WDR7: variants seen among roughly 807,000 people sequenced by gnomAD.
WDR7 encodes WD repeat-containing protein 7.
Under a neutral mutation model 169.4 loss-of-function variants are expected in WDR7, and 46 were observed. The ratio of observed to expected loss-of-function variants is 0.27; its 90% CI spans 0.21 to 0.35. The LOEUF is 0.35. Among genes scored for constraint, WDR7 ranks in the 10% least tolerant of loss-of-function variants. The pLI, the probability that WDR7 is intolerant of heterozygous loss-of-function variation, is 1.00. For missense variants in WDR7, 1,534 were observed against 1,859.3 expected, an observed-to-expected ratio of 0.83 and a Z score of 3.22; for synonymous variants, 612 against 666.8, an observed-to-expected ratio of 0.92 and a Z score of 1.27.
intron 21 of WDR7, among the ~76,000 whole-genome samples, chr18:56,885,930 A>G (rs2046185947): frequency 6.6e-6 from 1 of 152,336 alleles, no homozygotes; most frequent in South Asian, 2.1e-4. Context: ...TTAAAAATGA[A>G]CAAAGCCTCC....
intron 26 of WDR7, among the ~76,000 whole-genome samples, chr18:56,988,612 T>TGTGC (rs1289821097): frequency 5.3e-5 from 8 of 151,488 alleles, no homozygotes; most frequent in African/African-American, 1.7e-4. Flanking sequence ...TGTGTGTGTG[T>TGTGC]GTGTGTGTGT....
intron 21 of WDR7, among the ~76,000 whole-genome samples, chr18:56,888,721 T>C (rs2046228766): frequency 6.6e-6 from 1 of 152,248 alleles, no homozygotes; most frequent in Non-Finnish European, 1.5e-5. Flanking sequence ...TGTGGAATTA[T>C]GCTGGCACAT....
At position 56,695,126 on chromosome 18, in the gene WDR7, A is replaced by C; in HGVS notation, c.1285A>C (p.Ser429Arg). 6.2e-7 allele frequency: 1 copy of C among 1,614,156 alleles called. No homozygotes were observed. The highest frequency in any genetic ancestry group is 8.5e-7 in the Non-Finnish European group (1 of 1,180,018). ...GRLVCGREDGSIVIVPATQTA... is the reference protein window; with the variant it reads ...GRLVCGREDGRIVIVPATQTA... ...ACTTGTTTGTGGTCGTGAAGATGGA[A>C]GCATAGTTATTGTACCTGCCACACA... Residue 429 changes from serine to arginine, a missense_variant, in exon 11 of 28, where the codon AGC becomes CGC. Ser to Arg is a moderately radical substitution (Grantham distance 110). Transcript: ENST00000254442.
At chr18:56,787,470 C>G (rs980228381) in intron 19 of WDR7, among the ~76,000 whole-genome samples, 1 of 152,162 alleles carries the variant, frequency 6.6e-6, no homozygotes, top group Non-Finnish European at 1.5e-5. Flanking sequence ...TGTATCATCT[C>G]AGATATTGAT....
chr18:56,767,679 T>A (rs1361448075), intron 16 of WDR7, among the ~76,000 whole-genome samples: 1 of 152,240 alleles, frequency 6.6e-6, no homozygotes, highest in Non-Finnish European at 1.5e-5. Context: ...TTAAAAATGT[T>A]CCAAATATCT....
At chr18:56,726,133 AG>A (rs1209572890) in intron 13 of WDR7, among the ~76,000 whole-genome samples, 2 of 152,182 alleles carry the variant, frequency 1.3e-5, no homozygotes, top group African/African-American at 4.8e-5. Flanking sequence ...TTGGCAATGC[AG>A]GCTCTTTTTT....
At chr18:56,759,059 A>G in intron 16 of WDR7, 106 bp downstream of exon 16, 1 of 831,260 alleles carries the variant, frequency 1.2e-6, no homozygotes, top group Non-Finnish European at 1.8e-6. Flanking sequence ...GGATTGTTAA[A>G]AGAGAGAAAA....
downstream of WDR7, chr18:57,030,038 C>G (rs2048426688): frequency 6.6e-6 from 1 of 152,188 alleles, no homozygotes; most frequent in Non-Finnish European, 1.5e-5. Context: ...TGCTTTATCT[C>G]TACTCTACAT....
intron 12 of WDR7, among the ~76,000 whole-genome samples, chr18:56,699,412 C>T (rs563140705): frequency 5.1e-4 from 77 of 152,140 alleles, no homozygotes; most frequent in African/African-American, 1.4e-3. Flanking sequence ...TTTGTTTAAA[C>T]GTTTTGATTG....
intron 1 of WDR7, among the ~76,000 whole-genome samples, chr18:56,669,364 A>G (rs915516327): frequency 1.6e-4 from 25 of 152,282 alleles, no homozygotes; most frequent in African/African-American, 6.0e-4. Context: ...CAGAAGTGAG[A>G]TATCATCAAA....
At chr18:56,798,039 T>G (rs1488860600) in intron 19 of WDR7, among the ~76,000 whole-genome samples, 1 of 152,230 alleles carries the variant, frequency 6.6e-6, no homozygotes, top group Non-Finnish European at 1.5e-5. Context: ...GAAATGTTTC[T>G]GTAATCTGTT....
intron 2 of WDR7, among the ~76,000 whole-genome samples, chr18:56,676,033 G>C (rs564917315): frequency 5.1e-4 from 78 of 152,038 alleles, no homozygotes; most frequent in African/African-American, 1.9e-3. Flanking sequence ...AATAATATTT[G>C]CTTTATATAT....
At chr18:56,730,570 T>C (rs2026561720) in intron 13 of WDR7, among the ~76,000 whole-genome samples, 1 of 151,900 alleles carries the variant, frequency 6.6e-6, no homozygotes, top group Non-Finnish European at 1.5e-5. Context: ...ATCGAGACCA[T>C]CCTGGCTAAC....
chr18:57,035,957 G>A, the WDR7 span: 1 of 152,226 alleles, frequency 6.6e-6, no homozygotes, highest in African/African-American at 2.4e-5. Flanking sequence ...AACCCAAATG[G>A]CATGGTTAGC....
intron 14 of WDR7, among the ~76,000 whole-genome samples, chr18:56,734,214 T>C (rs966935540): frequency 1.3e-5 from 2 of 152,160 alleles, no homozygotes; most frequent in African/African-American, 4.8e-5. Context: ...TTGCCTTCTC[T>C]GTATTATCAG....
intron 25 of WDR7, among the ~76,000 whole-genome samples, chr18:56,941,792 C>T (rs1401327271): frequency 3.3e-5 from 5 of 152,168 alleles, no homozygotes; most frequent in Non-Finnish European, 5.9e-5. Context: ...CTGGTTTCCT[C>T]CCACATCCCA....
intron 21 of WDR7, among the ~76,000 whole-genome samples, chr18:56,913,623 CAAAAAAAAAA>C (rs3045241): frequency 3.7e-5 from 5 of 134,814 alleles, no homozygotes; most frequent in Admixed American, 1.5e-4. Context: ...CCCATCTCTA[CAAAAAAAAAA>C]AAAAAAAAAA....
At chr18:56,888,665 C>T (rs1183813856) in intron 21 of WDR7, among the ~76,000 whole-genome samples, 2 of 152,064 alleles carry the variant, frequency 1.3e-5, no homozygotes, top group Non-Finnish European at 2.9e-5. Context: ...CCTTATAGGT[C>T]TTTTGGTTCA....
chr18:56,900,076 GTGTGTGTATATATATATA>G (rs1330941095), intron 21 of WDR7, among the ~76,000 whole-genome samples: 6 of 52,172 alleles, frequency 1.2e-4, no homozygotes, highest in African/African-American at 3.2e-4. Context: ...GTGTGTGTGT[GTGTGTGTATATATATATA>G]TATATATATA....
Sources: gnomAD v4.1 joint callset for allele counts (sites outside exome capture counted in the v4.1 genomes callset) on GRCh38, gnomAD v4.1.1 for gene constraint, MANE v1.5 for transcripts, NCBI Gene and HGNC (gene_info 2026-07-23, HGNC 2026-07-21) for gene names.